Variants in CWC27 observed in about 807,000 individuals in gnomAD.
The protein encoded by CWC27 is spliceosome-associated protein CWC27 homolog.
Under a neutral mutation model 63.6 loss-of-function variants are expected in CWC27, and 47 were observed. The observed-to-expected ratio is 0.74, with a 90% CI of 0.58 to 0.94. The LOEUF (loss-of-function observed/expected upper bound fraction) is 0.94. Ranked by LOEUF, CWC27 falls within the 40% of genes least tolerant of loss-of-function variation. The pLI is 0.00. For missense variants in CWC27, 495 were observed against 554.3 expected (o/e 0.89, Z 1.07); for synonymous variants, 175 against 179.8 (o/e 0.97, Z 0.22).
intron 10 of CWC27, among the ~76,000 whole-genome samples, chr5:64,817,980 T>A (rs1014997536): frequency 3.3e-5 from 5 of 152,146 alleles, no homozygotes; most frequent in African/African-American, 1.2e-4. Context: ...TTAATACATG[T>A]TACTGCTTTT....
Position 64,780,699 on chromosome 5 carries a change from G to A in CWC27, c.140-1222G>A, listed in dbSNP as rs199499212. ...CTTGTATACACACGCGCACACGCGC[G>A]CACACACACACACACACACCGGAAT... On this transcript the variant is annotated intron_variant, in intron 2 of 13. Transcript: ENST00000381070. Among the ~76,000 whole-genome samples, 568 of 148,188 alleles carry A rather than the reference G, an allele frequency of 3.8e-3. 6 individuals carry two copies. The highest frequency in any genetic ancestry group is 0.011 in the African/African-American group (449 of 40,686).
chr5:64,999,907 C>T (rs1749701795), intron 13 of CWC27, among the ~76,000 whole-genome samples: 1 of 152,096 alleles, frequency 6.6e-6, no homozygotes, highest in Admixed American at 6.6e-5. Context: ...TCTGAGAAAC[C>T]TCCATACTGT....
chr5:64,894,375 C>G (rs1747317404), intron 11 of CWC27, among the ~76,000 whole-genome samples: 1 of 152,122 alleles, frequency 6.6e-6, no homozygotes, highest in South Asian at 2.1e-4. Flanking sequence ...TGTGATCCAA[C>G]CTTGAGTGGA....
At chr5:64,841,008 C>T (rs1745820618) in intron 10 of CWC27, among the ~76,000 whole-genome samples, 1 of 152,182 alleles carries the variant, frequency 6.6e-6, no homozygotes, top group Non-Finnish European at 1.5e-5. Context: ...ACATTTCCAA[C>T]ACAGAAATTG....
intron 10 of CWC27, among the ~76,000 whole-genome samples, chr5:64,877,075 G>T (rs1746810672): frequency 6.6e-6 from 1 of 151,920 alleles, no homozygotes; most frequent in African/African-American, 2.4e-5. Context: ...ATTATTTAAA[G>T]AAAAGGAAAT....
chr5:64,792,225 A>T (rs1436918573), intron 7 of CWC27, among the ~76,000 whole-genome samples: 1 of 152,130 alleles, frequency 6.6e-6, no homozygotes, highest in Non-Finnish European at 1.5e-5. Context: ...CATATTTTTT[A>T]AAAATTAAGA....
At chr5:64,853,023 A>C (rs894785103) in intron 10 of CWC27, among the ~76,000 whole-genome samples, 7 of 151,766 alleles carry the variant, frequency 4.6e-5, no homozygotes, top group African/African-American at 1.7e-4. Context: ...TTCTCCCCTA[A>C]CTCCTTACAT....
chr5:64,811,636 A>G (rs1183609278), intron 10 of CWC27, among the ~76,000 whole-genome samples: 2 of 152,028 alleles, frequency 1.3e-5, no homozygotes, highest in African/African-American at 4.8e-5. Flanking sequence ...TTCTACTTAT[A>G]TGCCATGTTT....
intron 11 of CWC27, among the ~76,000 whole-genome samples, chr5:64,953,428 G>C (rs1281911121): frequency 2.6e-5 from 4 of 152,048 alleles, no homozygotes; most frequent in Non-Finnish European, 5.9e-5. Context: ...TACTAACTCA[G>C]AATACTGAAC....
intron 11 of CWC27, among the ~76,000 whole-genome samples, chr5:64,951,714 C>T (rs1311781757): frequency 6.6e-6 from 1 of 151,972 alleles, no homozygotes; most frequent in African/African-American, 2.4e-5. Context: ...CTGTTCTGGA[C>T]ATTGCATATA....
chr5:64,851,421 A>G (rs1413593532), intron 10 of CWC27, among the ~76,000 whole-genome samples: 1 of 152,200 alleles, frequency 6.6e-6, no homozygotes, highest in Non-Finnish European at 1.5e-5. Flanking sequence ...GACGATGCTC[A>G]CAGGGTTCAA....
intron 11 of CWC27, among the ~76,000 whole-genome samples, chr5:64,935,570 T>C (rs1748328556): frequency 6.6e-6 from 1 of 152,218 alleles, no homozygotes; most frequent in Admixed American, 6.5e-5. Flanking sequence ...TGCTTAGGAT[T>C]GTCTTGGCTA....
At chr5:64,996,107 A>G (rs1263443017) in intron 13 of CWC27, among the ~76,000 whole-genome samples, 1 of 152,196 alleles carries the variant, frequency 6.6e-6, no homozygotes, top group African/African-American at 2.4e-5. Context: ...AAATGTTTTT[A>G]TGAGACATTT....
At chr5:64,889,864 T>TG (rs1387425970) in intron 11 of CWC27, among the ~76,000 whole-genome samples, 2 of 152,144 alleles carry the variant, frequency 1.3e-5, no homozygotes, top group Non-Finnish European at 2.9e-5. Flanking sequence ...ATAAGGTTGT[T>TG]GTGGGGGGTG....
intron 13 of CWC27, among the ~76,000 whole-genome samples, chr5:64,992,843 C>G (rs1050557387): frequency 6.6e-6 from 1 of 152,050 alleles, no homozygotes; most frequent in African/African-American, 2.4e-5. Flanking sequence ...ACTTTCTACA[C>G]TTTTTTAAAG....
At chr5:64,881,690 T>C (rs1425322763) in intron 10 of CWC27, among the ~76,000 whole-genome samples, 3 of 152,148 alleles carry the variant, frequency 2.0e-5, no homozygotes, top group Non-Finnish European at 4.4e-5. Flanking sequence ...TTTAAATCAA[T>C]ACTTTCTGAA....
chr5:64,797,505 A>C (rs1270090095), intron 7 of CWC27, among the ~76,000 whole-genome samples: 3 of 152,138 alleles, frequency 2.0e-5, no homozygotes, highest in Admixed American at 2.0e-4. Context: ...TTAAAATTTG[A>C]AATGGTAATG....
chr5:64,956,115 A>G (rs1245862704), intron 11 of CWC27, among the ~76,000 whole-genome samples: 2 of 152,180 alleles, frequency 1.3e-5, no homozygotes, highest in Non-Finnish European at 2.9e-5. Context: ...AAACAACATA[A>G]CAATCTAGAA....
At chr5:65,018,089 A>G (rs747022032) in intron 13 of CWC27, 70 bp from the exon 14 acceptor site, 59 of 1,308,454 alleles carry the variant, frequency 4.5e-5, no homozygotes, top group Admixed American at 7.5e-5. Context: ...TGTCGATGAT[A>G]GTAGAGTATA....
Sources: allele counts gnomAD v4.1 joint callset (sites outside exome capture counted in the v4.1 genomes callset), GRCh38; gene constraint gnomAD v4.1.1; transcripts MANE v1.5; gene names NCBI Gene and HGNC (gene_info 2026-07-23, HGNC 2026-07-21).